Variants in DLGAP4 observed in about 807,000 individuals in gnomAD.
DLGAP4 encodes the protein disks large-associated protein 4.
A neutral mutation model predicts 86.9 loss-of-function variants in DLGAP4; 18 were observed. The observed-to-expected ratio is 0.21, with a 90% CI of 0.14 to 0.31. The LOEUF (loss-of-function observed/expected upper bound fraction) is 0.31, where lower values mean the gene tolerates loss of function less well. Ranked by LOEUF, DLGAP4 falls within the 10% of genes least tolerant of loss-of-function variation. The pLI, the probability that DLGAP4 is intolerant of heterozygous loss-of-function variation, is 1.00. For synonymous variants in DLGAP4, 548 were observed against 574.3 expected, an observed-to-expected ratio of 0.95 and a Z score of 0.65; for missense variants, 1,085 against 1,362.6, an observed-to-expected ratio of 0.80 and a Z score of 3.21.
intron 2 of DLGAP4, among the ~76,000 whole-genome samples, chr20:36,418,203 T>C (rs891346467): frequency 3.3e-5 from 5 of 151,806 alleles, no homozygotes; most frequent in African/African-American, 1.2e-4. Context: ...AACCTCTGCC[T>C]CCCGGGTTCC....
intron 2 of DLGAP4, among the ~76,000 whole-genome samples, chr20:36,382,453 T>G (rs964440530): frequency 5.3e-5 from 8 of 152,054 alleles, no homozygotes; most frequent in Non-Finnish European, 1.2e-4. Flanking sequence ...TCTCAAACTT[T>G]TGGTCTCTAA....
intron 7 of DLGAP4, among the ~76,000 whole-genome samples, chr20:36,452,410 G>A (rs1444373211): frequency 6.6e-6 from 1 of 152,014 alleles, no homozygotes; most frequent in Non-Finnish European, 1.5e-5. Flanking sequence ...GAACTCCTGG[G>A]CTCAAGTGAT....
chr20:36,457,620 A>G (rs2033912927), intron 7 of DLGAP4, among the ~76,000 whole-genome samples: 1 of 151,666 alleles, frequency 6.6e-6, no homozygotes, highest in Non-Finnish European at 1.5e-5. Context: ...ACCTCAGGTA[A>G]TCCGCCTGCC....
intron 10 of DLGAP4, among the ~76,000 whole-genome samples, chr20:36,512,900 G>A (rs1352571542): frequency 6.8e-6 from 1 of 146,102 alleles, no homozygotes; most frequent in African/African-American, 2.6e-5. Flanking sequence ...TCAGACTGGG[G>A]GCATCTCAGA....
rs1462462107 is a variant in DLGAP4 at position 36,306,634 on chromosome 20, G to C, written c.-304+122G>C. The C allele has an allele frequency of 6.6e-6, 1 of 151,836 alleles. No individual in the cohort carries two copies. The highest frequency in any genetic ancestry group is 1.5e-5 in the Non-Finnish European group (1 of 67,928). The allele number at this position is 151,836 out of a possible 1,614,324, so 9.4% of individuals were successfully genotyped here. A position where few individuals can be genotyped will look rare whatever the true frequency, so the allele number is the denominator to read the frequency against. On this transcript the variant is annotated intron_variant, in intron 1 of 12. Coordinates refer to ENST00000339266, the MANE Select transcript of DLGAP4 (RefSeq NM_001365621.2). The surrounding 1 kb of genome is among the most constrained non-coding windows in gnomAD (Gnocchi z 4.9). The stretch of plus-strand genomic sequence containing the variant: ...GACAGACCTCCCTGAACCGGGGGAC[G>C]GCGCTGGCGCAGAAAAGCCCCCTCC...
chr20:36,507,716 A>C (rs966645558), intron 10 of DLGAP4: 2 of 152,242 alleles, frequency 1.3e-5, no homozygotes, highest in Admixed American at 6.5e-5. Flanking sequence ...GGCACAAAAC[A>C]ACCATTTTAT....
At chr20:36,501,632 A>C (rs1165413049) in intron 10 of DLGAP4, among the ~76,000 whole-genome samples, 1 of 152,054 alleles carries the variant, frequency 6.6e-6, no homozygotes, top group African/African-American at 2.4e-5. Flanking sequence ...CACCTGGTTC[A>C]CCTGTGGCTC....
chr20:36,406,195 A>G (rs549396590), intron 2 of DLGAP4, among the ~76,000 whole-genome samples: 24 of 152,042 alleles, frequency 1.6e-4, no homozygotes, highest in Non-Finnish European at 3.1e-4. Context: ...TCAGGAGATC[A>G]AGACCATCCT....
At position 36,332,439 on chromosome 20, in the gene DLGAP4, G is replaced by C. The variant is rs142075090; in HGVS notation, c.-304+25927G>C. On this transcript the variant is annotated intron_variant, in intron 1 of 12. Coordinates refer to ENST00000339266, the MANE Select transcript of DLGAP4 (RefSeq NM_001365621.2). The stretch of plus-strand genomic sequence containing the variant: ...GGGTCTCACTCTGTTGCTCAGGTTG[G>C]AGTGCAGTGGCACGATCTCTGTTCA... Among the ~76,000 whole-genome samples, 527 of 152,058 alleles carry C rather than the reference G, an allele frequency of 3.5e-3. 2 individuals carry two copies. Among genetic ancestry groups the C allele is most frequent in the African/African-American group, 0.012 (515 of 41,436 alleles).
chr20:36,443,919 C>A (rs2033520030), intron 6 of DLGAP4, among the ~76,000 whole-genome samples: 1 of 152,178 alleles, frequency 6.6e-6, no homozygotes, highest in African/African-American at 2.4e-5. Context: ...ACTATTGCCC[C>A]ATTTTATAGG....
At chr20:36,379,288 G>T (rs543826624) in intron 2 of DLGAP4, among the ~76,000 whole-genome samples, 2 of 152,218 alleles carry the variant, frequency 1.3e-5, no homozygotes, top group Non-Finnish European at 2.9e-5. Flanking sequence ...CATGGGAGAT[G>T]CTCTTGAGAA....
intron 3 of DLGAP4, 34 bp from the exon 4 acceptor site, chr20:36,436,075 G>A (rs1479028261): frequency 6.6e-7 from 1 of 1,518,178 alleles, no homozygotes; most frequent in African/African-American, 1.4e-5. Flanking sequence ...CATTTTCTGC[G>A]GTGGCCCCAC....
intron 7 of DLGAP4, among the ~76,000 whole-genome samples, chr20:36,458,665 C>T (rs1407313618): frequency 6.6e-6 from 1 of 151,966 alleles, no homozygotes; most frequent in Non-Finnish European, 1.5e-5. Context: ...CGCCACTGCA[C>T]TCCAGCCTGG....
At chr20:36,331,076 C>A (rs906096984) in intron 1 of DLGAP4, among the ~76,000 whole-genome samples, 3 of 152,120 alleles carry the variant, frequency 2.0e-5, no homozygotes, top group South Asian at 4.1e-4. Context: ...GACAGCTCAT[C>A]CCCCCTGGGG....
chr20:36,400,394 C>T (rs183935005), intron 2 of DLGAP4, among the ~76,000 whole-genome samples: 2 of 152,272 alleles, frequency 1.3e-5, no homozygotes, highest in African/African-American at 2.4e-5. Context: ...GCCTTCTTGA[C>T]GAGTTGTGTC....
intron 10 of DLGAP4, among the ~76,000 whole-genome samples, chr20:36,511,313 C>T (rs1279498323): frequency 6.6e-6 from 1 of 152,152 alleles, no homozygotes; most frequent in Non-Finnish European, 1.5e-5. Context: ...GGTGATCCTC[C>T]TGCCTCAGCT....
intron 2 of DLGAP4, among the ~76,000 whole-genome samples, chr20:36,382,661 C>G (rs1347783008): frequency 1.3e-5 from 2 of 151,560 alleles, no homozygotes; most frequent in Non-Finnish European, 2.9e-5. Context: ...TCCCGAGTAG[C>G]TGGGACTACA....
At chr20:36,422,415 G>A (rs2032855457) in intron 2 of DLGAP4, among the ~76,000 whole-genome samples, 1 of 152,166 alleles carries the variant, frequency 6.6e-6, no homozygotes, top group African/African-American at 2.4e-5. Flanking sequence ...GGAATTGTAA[G>A]GGATCCAGGC....
chr20:36,495,372 A>T (rs987400574), intron 7 of DLGAP4, among the ~76,000 whole-genome samples: 1 of 152,126 alleles, frequency 6.6e-6, no homozygotes, highest in Non-Finnish European at 1.5e-5. Flanking sequence ...CCTCTGGGCT[A>T]TCACCATCAC....
Sources: gnomAD v4.1 joint callset for allele counts (sites outside exome capture counted in the v4.1 genomes callset) on GRCh38, gnomAD v4.1.1 for gene constraint, Gnocchi (gnomAD v3.1) non-coding constraint, MANE v1.5 for transcripts, NCBI Gene and HGNC (gene_info 2026-07-23, HGNC 2026-07-21) for gene names.